The following LCORL variants were observed in gnomAD, a reference collection of about 807,000 sequenced individuals.
LCORL encodes ligand dependent nuclear receptor corepressor like, also known as ligand-dependent nuclear receptor corepressor-like protein.
Under a neutral mutation model 141.8 loss-of-function variants are expected in LCORL, and 41 were observed. The observed-to-expected ratio is 0.29, with a 90% confidence interval of 0.23 to 0.38. The LOEUF (loss-of-function observed/expected upper bound fraction) is 0.38. Among genes scored for constraint, LCORL ranks in the 10% least tolerant of loss-of-function variants. The pLI, the probability that LCORL is intolerant of heterozygous loss-of-function variation, is 1.00. For missense variants in LCORL, 1,759 were observed against 2,035.0 expected (o/e 0.86, Z 2.61); for synonymous variants, 618 against 694.1 (o/e 0.89, Z 1.72).
chr4:17,976,510 G>A (rs1717008450), intron 1 of LCORL, among the ~76,000 whole-genome samples: 1 of 151,910 alleles, frequency 6.6e-6, no homozygotes, highest in Non-Finnish European at 1.5e-5. Context: ...GTACCACTTA[G>A]TATGTAATGT....
intron 5 of LCORL, among the ~76,000 whole-genome samples, chr4:17,904,197 A>G (rs1731288273): frequency 1.3e-5 from 2 of 152,000 alleles, no homozygotes; most frequent in African/African-American, 4.8e-5. Context: ...CTATATAGGG[A>G]AGGAGGCTAG....
intron 7 of LCORL, among the ~76,000 whole-genome samples, chr4:17,872,107 C>A (rs1726410338): frequency 6.6e-6 from 1 of 151,768 alleles, no homozygotes; most frequent in Non-Finnish European, 1.5e-5. Flanking sequence ...CCCAACCCCC[C>A]CAAAAACACC....
exon 7 of LCORL, chr4:17,874,542 C>T (rs1726712664): frequency 8.1e-7 from 1 of 1,233,590 alleles, no homozygotes; most frequent in African/African-American, 1.6e-5. Context: ...TTCTAAAAGA[C>T]AAGTTTCCAA....
At chr4:17,898,595 C>T (rs1730347536) in intron 5 of LCORL, among the ~76,000 whole-genome samples, 1 of 148,330 alleles carries the variant, frequency 6.7e-6, no homozygotes, top group South Asian at 2.1e-4. Context: ...CTGCAACTTG[C>T]TTTTTATTAC....
intron 4 of LCORL, among the ~76,000 whole-genome samples, chr4:17,930,996 ATTTC>A (rs928769844): frequency 2.0e-4 from 31 of 152,096 alleles, no homozygotes; most frequent in African/African-American, 6.3e-4. Context: ...ACCTTTTGCT[ATTTC>A]TTCTGAAAAA....
At chr4:17,847,376 TCAAC>T (rs1460334292) in intron 7 of LCORL, among the ~76,000 whole-genome samples, 1 of 152,140 alleles carries the variant, frequency 6.6e-6, no homozygotes, top group Non-Finnish European at 1.5e-5. Flanking sequence ...CCTTGCAACC[TCAAC>T]CAACCAACTC....
intron 4 of LCORL, among the ~76,000 whole-genome samples, chr4:17,944,708 T>C (rs1738561236): frequency 1.3e-5 from 2 of 152,310 alleles, no homozygotes; most frequent in East Asian, 1.9e-4. Context: ...ATGAAGGATA[T>C]ATATAAATAG....
At chr4:17,883,555 C>T in intron 6 of LCORL, 1 of 1,334,706 alleles carries the variant, frequency 7.5e-7, no homozygotes, top group Non-Finnish European at 9.5e-7. Context: ...TTTCAAAAGG[C>T]ATGTAAGTGG....
At chr4:17,940,116 GTATATA>G (rs199994160) in intron 4 of LCORL, among the ~76,000 whole-genome samples, 2 of 127,328 alleles carry the variant, frequency 1.6e-5, no homozygotes, top group Non-Finnish European at 3.0e-5. Flanking sequence ...ATATGTGTGT[GTATATA>G]TATATGTATA....
chr4:17,919,284 G>A (rs985340738), intron 4 of LCORL, among the ~76,000 whole-genome samples: 9 of 152,052 alleles, frequency 5.9e-5, no homozygotes, highest in Non-Finnish European at 1.0e-4. Context: ...AGAGGCCCAG[G>A]AACAAATGGC....
Position 17,884,491 on chromosome 4 carries a change from C to A in LCORL, c.776+1577G>T. 1 of 1,546,338 alleles carries A rather than the reference C, an allele frequency of 6.5e-7. No homozygotes were observed. On this transcript the variant is annotated intron_variant, in intron 6 of 7. Coordinates refer to ENST00000635767, the Ensembl canonical transcript of LCORL. This position sits in a 1 kb window ranked among gnomAD's most constrained non-coding sequence, Gnocchi z 4.4. ...CTCTTGCCCACAAGGCTACTTTTTG[C>A]AGCACTGCACAAGTTTCTTTACTGT...
At chr4:17,999,724 T>G (rs1330514766) in intron 1 of LCORL, among the ~76,000 whole-genome samples, 2 of 152,190 alleles carry the variant, frequency 1.3e-5, no homozygotes, top group Non-Finnish European at 2.9e-5. Flanking sequence ...TAAGAAGAAA[T>G]TGTTTTAAGG....
chr4:17,978,629 C>A (rs1453323505), intron 1 of LCORL, among the ~76,000 whole-genome samples: 1 of 151,260 alleles, frequency 6.6e-6, no homozygotes, highest in Non-Finnish European at 1.5e-5. Context: ...ACTGCTTTCA[C>A]TTTGGGTGGT....
intron 6 of LCORL, chr4:17,883,445 T>A (rs1049616246): frequency 1.2e-5 from 14 of 1,164,624 alleles, no homozygotes; most frequent in Non-Finnish European, 1.5e-5. Context: ...AAAACCTGAA[T>A]CTTTTTCACC....
At position 17,883,733 on chromosome 4, in the gene LCORL, C is replaced by G. The variant is rs1385592159; in HGVS notation, c.776+2335G>C. On this transcript the variant is annotated intron_variant, in intron 6 of 7. Transcript: ENST00000635767. ...CTAACAAGTAATCTACACAGGCTTG[C>G]TGCTGTTTTTGCAGCTGCCAGTCCC... 2.6e-6 allele frequency: 4 copies of G among 1,538,576 alleles called. No homozygotes were observed. The highest frequency in any genetic ancestry group is 3.5e-6 in the Non-Finnish European group (4 of 1,141,648).
rs149156281 is a variant in LCORL, at chr4:17,894,079, G to A, written c.683-7918C>T. ...ATCTCAAAGTGCTGGGATTACAGGC[G>A]TGAGCCACCACGCCTGGCCATGGTC... On this transcript the variant is annotated intron_variant, in intron 5 of 7. Coordinates refer to ENST00000635767, the Ensembl canonical transcript of LCORL. 4.0e-3 allele frequency among the ~76,000 whole-genome samples: 616 copies of A among 152,260 alleles called. 8 individuals carry two copies. Among genetic ancestry groups the A allele is most frequent in the East Asian group, 0.04 (209 of 5,182 alleles).
chr4:17,987,904 G>A lies in LCORL; in HGVS notation c.155-15019C>T, dbSNP rs1198526906. Among the ~76,000 whole-genome samples the A allele has an allele frequency of 2.0e-5, 3 of 152,164 alleles. No homozygotes were observed. The East Asian group carries it at 5.8e-4, about 29-fold the overall frequency. On this transcript the variant is annotated intron_variant, in intron 1 of 7. Coordinates refer to ENST00000635767, the Ensembl canonical transcript of LCORL. Reference sequence around the variant, plus strand: ...TCCCTTATGAGATATTCACCCATCTGCAAATATTTTCTTCAAGCCTGTGGA... The same window carrying A: ...TCCCTTATGAGATATTCACCCATCTACAAATATTTTCTTCAAGCCTGTGGA...
chr4:17,842,484 G>A, exon 8 of LCORL: 2 of 879,716 alleles, frequency 2.3e-6, no homozygotes, highest in Non-Finnish European at 3.7e-6. Context: ...TATATAACAA[G>A]ATAGTGAAAA....
At chr4:17,901,747 G>C (rs575324611) in intron 5 of LCORL, among the ~76,000 whole-genome samples, 3 of 151,958 alleles carry the variant, frequency 2.0e-5, no homozygotes, top group South Asian at 4.2e-4. Flanking sequence ...AAAGAAAAGT[G>C]AGGAAACCCA....
Sources: allele counts gnomAD v4.1 joint callset (sites outside exome capture counted in the v4.1 genomes callset), GRCh38; gene constraint gnomAD v4.1.1; non-coding constraint Gnocchi (gnomAD v3.1); transcripts MANE v1.5; gene names NCBI Gene and HGNC (gene_info 2026-07-23, HGNC 2026-07-21).